Variants in L3MBTL4 observed in about 807,000 individuals in gnomAD.
L3MBTL4 encodes the protein L3MBTL histone methyl-lysine binding protein 4.
Under a neutral mutation model 84.5 loss-of-function variants are expected in L3MBTL4, and 70 were observed. That is an observed-to-expected ratio of 0.83 (90% CI 0.68 to 1.01). The LOEUF is 1.01. L3MBTL4 is among the 50% of genes least tolerant of loss of function. The pLI, the probability that L3MBTL4 is intolerant of heterozygous loss-of-function variation, is 0.00. For missense variants in L3MBTL4, 715 were observed against 754.8 expected (o/e 0.95, Z 0.62); for synonymous variants, 274 against 259.8 (o/e 1.05, Z -0.52).
intron 16 of L3MBTL4, among the ~76,000 whole-genome samples, chr18:6,009,202 T>C (rs1307971182): frequency 1.3e-5 from 2 of 152,126 alleles, no homozygotes; most frequent in Admixed American, 6.5e-5. Flanking sequence ...TATGGCAACC[T>C]AAACGTAAGG....
chr18:6,269,473 A>C (rs1455972061), intron 4 of L3MBTL4, among the ~76,000 whole-genome samples: 1 of 152,194 alleles, frequency 6.6e-6, no homozygotes, highest in African/African-American at 2.4e-5. Context: ...CAAACAAAAA[A>C]AACAAACAAA....
chr18:6,132,087 C>A (rs1455023278), intron 14 of L3MBTL4, among the ~76,000 whole-genome samples: 1 of 152,152 alleles, frequency 6.6e-6, no homozygotes, highest in Non-Finnish European at 1.5e-5. Context: ...TTTCAGCCAA[C>A]AGTAACTCCA....
Position 5,955,283 on chromosome 18 carries a change from G to A in L3MBTL4, c.*937C>T, listed in dbSNP as rs2095220820. 6.6e-6 allele frequency: 1 copy of A among 152,200 alleles called. No homozygotes were observed. The highest frequency in any genetic ancestry group is 2.4e-5 in the African/African-American group (1 of 41,454). The allele number at this position is 152,200 out of a possible 1,614,324, so 9.4% of individuals were successfully genotyped here. A position where few individuals can be genotyped will look rare whatever the true frequency, so the allele number is the denominator to read the frequency against. On this transcript the variant is annotated 3_prime_UTR_variant, in exon 19 of 19. Transcript: ENST00000317931. ...TCCCTACTTTAGAGATCTTCCCTTT[G>A]AATAGTGTGTCTCCATTTGTAAAGA...
At chr18:6,131,083 G>A (rs987522449) in intron 14 of L3MBTL4, among the ~76,000 whole-genome samples, 4 of 152,134 alleles carry the variant, frequency 2.6e-5, no homozygotes, top group African/African-American at 9.7e-5. Context: ...TGATGTCATC[G>A]TTCTCTTTGT....
intron 16 of L3MBTL4, among the ~76,000 whole-genome samples, chr18:6,044,156 G>A (rs1295386707): frequency 6.6e-6 from 1 of 152,148 alleles, no homozygotes; most frequent in Non-Finnish European, 1.5e-5. Context: ...TTTGTTTTTA[G>A]GGGACCTTGG....
intron 3 of L3MBTL4, among the ~76,000 whole-genome samples, chr18:6,309,327 T>C (rs1387198736): frequency 6.6e-6 from 1 of 152,240 alleles, no homozygotes; most frequent in African/African-American, 2.4e-5. Flanking sequence ...ACATTGTTAC[T>C]GGCAATGAGC....
intron 1 of L3MBTL4, among the ~76,000 whole-genome samples, chr18:6,334,183 C>A (rs1375406007): frequency 3.9e-5 from 6 of 152,144 alleles, no homozygotes; most frequent in Admixed American, 1.3e-4. Context: ...ATGCTCAGGT[C>A]AACAAACGTT....
chr18:6,402,018 G>T (rs997611379), intron 1 of L3MBTL4, among the ~76,000 whole-genome samples: 4 of 152,216 alleles, frequency 2.6e-5, no homozygotes, highest in Admixed American at 6.5e-5. Context: ...ATAGCTTCAA[G>T]TGGCAGTAAG....
intron 14 of L3MBTL4, among the ~76,000 whole-genome samples, chr18:6,124,387 T>C (rs941462844): frequency 6.7e-6 from 1 of 149,804 alleles, no homozygotes; most frequent in East Asian, 1.9e-4. Context: ...AAAAACTATA[T>C]ATAGACATAT....
rs754374077 is a variant in L3MBTL4, at chr18:6,138,221, C to T, written c.1172G>A (p.Arg391His). 34 of 1,612,182 alleles carry T rather than the reference C, an allele frequency of 2.1e-5. No individual in the cohort carries two copies. Among genetic ancestry groups the T allele is most frequent in the Admixed American group, 5.0e-5 (3 of 59,888 alleles). The change falls in exon 14 of 19, where the codon CGT becomes CAT. Residue 391 changes from arginine (R) to histidine (H), a missense_variant. Physicochemically the swap from Arg to His is conservative, Grantham distance 29. Coordinates refer to ENST00000317931, the MANE Select transcript of L3MBTL4 (RefSeq NM_001330559.2). ...TPGCRGIGHI[R>H]GPRYSGHHSA... ...GTGATGTCCCGAATAACGTGGACCA[C>T]GGATATGGCCTATTCCTCGGCACCC...
At chr18:6,184,141 G>C (rs969639489) in intron 12 of L3MBTL4, among the ~76,000 whole-genome samples, 2 of 151,832 alleles carry the variant, frequency 1.3e-5, no homozygotes, top group African/African-American at 4.9e-5. Context: ...GTCATGGGTA[G>C]GTTACATATT....
intron 3 of L3MBTL4, among the ~76,000 whole-genome samples, chr18:6,308,366 GGAT>G (rs2050685349): frequency 6.6e-6 from 1 of 152,138 alleles, no homozygotes; most frequent in Admixed American, 6.5e-5. Context: ...TCTCTTTGGA[GGAT>G]GATACCTAGT....
intron 16 of L3MBTL4, among the ~76,000 whole-genome samples, chr18:6,010,271 T>C (rs2054674485): frequency 6.6e-6 from 1 of 152,132 alleles, no homozygotes; most frequent in African/African-American, 2.4e-5. Flanking sequence ...TCTCACCAAG[T>C]TGGAGTTTAG....
intron 16 of L3MBTL4, among the ~76,000 whole-genome samples, chr18:5,974,953 C>A (rs1197553876): frequency 6.6e-6 from 1 of 151,792 alleles, no homozygotes; most frequent in Non-Finnish European, 1.5e-5. Context: ...GACAGAGAAA[C>A]CCTGTCTCTA....
At chr18:6,194,508 G>T (rs564780476) in intron 12 of L3MBTL4, among the ~76,000 whole-genome samples, 14 of 152,184 alleles carry the variant, frequency 9.2e-5, no homozygotes, top group Admixed American at 2.0e-4. Flanking sequence ...AGAAAGCACC[G>T]TGGGAAGTGG....
intron 16 of L3MBTL4, among the ~76,000 whole-genome samples, chr18:5,971,186 G>T (rs1295300893): frequency 6.6e-6 from 1 of 152,240 alleles, no homozygotes; most frequent in Non-Finnish European, 1.5e-5. Context: ...GTTGGCAAAT[G>T]TGAATGTTTT....
At chr18:6,354,369 G>A (rs1027219307) in intron 1 of L3MBTL4, among the ~76,000 whole-genome samples, 2 of 152,048 alleles carry the variant, frequency 1.3e-5, no homozygotes, top group African/African-American at 2.4e-5. Context: ...CATTGGTCTG[G>A]GCAAAAATGT....
intron 7 of L3MBTL4, among the ~76,000 whole-genome samples, 189 bp from the exon 8 acceptor site, chr18:6,241,638 C>G (rs2047455406): frequency 6.6e-6 from 1 of 152,164 alleles, no homozygotes; most frequent in African/African-American, 2.4e-5. Flanking sequence ...GTCCTTAGCA[C>G]CCACAAAAGA....
rs114622325 is a variant in L3MBTL4, at chr18:5,994,128, G to A, written c.1445-24566C>T. Reference sequence around the variant, plus strand: ...GTCCACCAGGCCCTCTGCTCCTGGGGCATGCAGGTACTTCCTCTGAAGCCC... The same window carrying A: ...GTCCACCAGGCCCTCTGCTCCTGGGACATGCAGGTACTTCCTCTGAAGCCC... On this transcript the variant is annotated intron_variant, in intron 16 of 18. Transcript: ENST00000317931. Among the ~76,000 whole-genome samples the A allele has an allele frequency of 8.5e-3, 1,295 of 152,286 alleles. 16 individuals are homozygous for A. Among genetic ancestry groups the A allele is most frequent in the African/African-American group, 0.029 (1,219 of 41,554 alleles).
Sources: gnomAD v4.1 joint callset for allele counts (sites outside exome capture counted in the v4.1 genomes callset) on GRCh38, gnomAD v4.1.1 for gene constraint, MANE v1.5 for transcripts, NCBI Gene and HGNC (gene_info 2026-07-23, HGNC 2026-07-21) for gene names.